Variants in LRBA observed in about 807,000 individuals in gnomAD.
The protein encoded by LRBA is LPS responsive beige-like anchor protein, also known as lipopolysaccharide-responsive and beige-like anchor protein.
Under a neutral mutation model 330.0 loss-of-function variants are expected in LRBA, and 176 were observed. That is an observed-to-expected ratio of 0.53 (90% CI 0.47 to 0.60). LRBA has a LOEUF of 0.60. Among genes scored for constraint, LRBA ranks in the 20% least tolerant of loss-of-function variants. The pLI, the probability that LRBA is intolerant of heterozygous loss-of-function variation, is 0.00. For missense variants in LRBA, 3,259 were observed against 3,444.8 expected, an observed-to-expected ratio of 0.95 and a Z score of 1.35; for synonymous variants, 1,230 against 1,193.0, an observed-to-expected ratio of 1.03 and a Z score of -0.64.
chr4:150,272,807 A>G (rs1171251574), intron 56 of LRBA, among the ~76,000 whole-genome samples: 1 of 152,162 alleles, frequency 6.6e-6, no homozygotes, highest in African/African-American at 2.4e-5. Context: ...ATATAGGACT[A>G]TGTGAAAAGA....
chr4:150,324,322 A>G (rs1732953603), intron 49 of LRBA, among the ~76,000 whole-genome samples: 1 of 151,650 alleles, frequency 6.6e-6, no homozygotes, highest in Admixed American at 6.6e-5. Context: ...AATCATTCTT[A>G]CTATTTTTAT....
At chr4:150,412,577 T>C (rs1747157115) in intron 47 of LRBA, among the ~76,000 whole-genome samples, 1 of 152,150 alleles carries the variant, frequency 6.6e-6, no homozygotes, top group Non-Finnish European at 1.5e-5. Context: ...TTTTTAATTG[T>C]CAAAATGTTG....
chr4:150,533,736 A>G (rs1371339984), intron 40 of LRBA, among the ~76,000 whole-genome samples: 1 of 152,140 alleles, frequency 6.6e-6, no homozygotes, highest in Non-Finnish European at 1.5e-5. Flanking sequence ...CTTTCCCCCC[A>G]TTCCAGTGTG....
intron 22 of LRBA, among the ~76,000 whole-genome samples, chr4:150,858,972 A>C (rs1751560982): frequency 6.6e-6 from 1 of 152,210 alleles, no homozygotes; most frequent in Admixed American, 6.5e-5. Context: ...TTCTTTAAAA[A>C]AAAATCTTAT....
intron 17 of LRBA, among the ~76,000 whole-genome samples, chr4:150,877,968 A>C (rs1372104646): frequency 6.6e-6 from 1 of 152,146 alleles, no homozygotes; most frequent in Admixed American, 6.5e-5. Flanking sequence ...AAATTTAAAA[A>C]TTTTTTGAAA....
rs1343129319 is a variant in LRBA at position 150,852,335 on chromosome 4, T to C, written c.3375A>G (p.Leu1125=). The change falls in exon 23 of 57, where the codon CTA becomes CTG. Residue 1125 remains leucine (L), a synonymous_variant. Transcript: ENST00000651943. ...AACTGTTATCTTGGAGCTCTGTGGG[T>C]AGATTAGCTTCCTCAGTAGGACTGC... ...VEGSPTEEAN[L]PTELQDNSLS... The C allele has an allele frequency of 6.2e-7, 1 of 1,613,874 alleles. No homozygotes were observed. Among genetic ancestry groups the C allele is most frequent in the Admixed American group, 1.7e-5 (1 of 59,998 alleles).
intron 36 of LRBA, among the ~76,000 whole-genome samples, chr4:150,698,998 G>C (rs1403839753): frequency 6.6e-6 from 1 of 152,180 alleles, no homozygotes; most frequent in African/African-American, 2.4e-5. Flanking sequence ...CAGGTCTATA[G>C]ACGCTACAAC....
At chr4:150,377,583 A>T (rs1273662835) in intron 47 of LRBA, among the ~76,000 whole-genome samples, 1 of 152,120 alleles carries the variant, frequency 6.6e-6, no homozygotes, top group Non-Finnish European at 1.5e-5. Flanking sequence ...ACTGACTACT[A>T]CAAGTCTTTC....
At chr4:150,604,396 A>G (rs1774422100) in intron 37 of LRBA, among the ~76,000 whole-genome samples, 1 of 87,686 alleles carries the variant, frequency 1.1e-5, no homozygotes, top group South Asian at 3.4e-4. Flanking sequence ...AGAGGGAGAG[A>G]CTATCTCCAA....
intron 2 of LRBA, among the ~76,000 whole-genome samples, chr4:150,936,393 G>T (rs919663130): frequency 2.0e-5 from 3 of 151,874 alleles, no homozygotes; most frequent in African/African-American, 7.2e-5. Flanking sequence ...CAGTAGAAAG[G>T]TCTGGTCCAG....
chr4:150,738,636 T>C (rs1731537716), intron 35 of LRBA, among the ~76,000 whole-genome samples: 1 of 152,200 alleles, frequency 6.6e-6, no homozygotes, highest in Non-Finnish European at 1.5e-5. Flanking sequence ...ATCTAAAATA[T>C]ATAACCACAG....
intron 46 of LRBA, among the ~76,000 whole-genome samples, chr4:150,424,612 TGCGC>T (rs1749296382): frequency 6.6e-6 from 1 of 151,198 alleles, no homozygotes; most frequent in East Asian, 1.9e-4. Flanking sequence ...AGGGAGCACG[TGCGC>T]GCGTGCACAC....
At chr4:150,590,883 T>A (rs765226950) in intron 38 of LRBA, 24 bp from the exon 39 acceptor site, 2 of 1,612,176 alleles carry the variant, frequency 1.2e-6, no homozygotes, top group Non-Finnish European at 1.7e-6. Flanking sequence ...GAAACAAAGC[T>A]GTCCATCAGT....
At chr4:150,525,724 G>T (rs1349093960) in intron 40 of LRBA, among the ~76,000 whole-genome samples, 1 of 152,018 alleles carries the variant, frequency 6.6e-6, no homozygotes, top group Non-Finnish European at 1.5e-5. Flanking sequence ...ACTTATATCT[G>T]ATTTCTCTTT....
intron 16 of LRBA, among the ~76,000 whole-genome samples, chr4:150,895,037 AAAG>A (rs1292625582): frequency 2.0e-5 from 3 of 151,916 alleles, no homozygotes; most frequent in Non-Finnish European, 4.4e-5. Flanking sequence ...TTTAAAAATT[AAAG>A]AAGGCACTAC....
intron 40 of LRBA, among the ~76,000 whole-genome samples, chr4:150,534,840 T>C (rs913446310): frequency 3.9e-5 from 6 of 152,196 alleles, no homozygotes; most frequent in Admixed American, 1.3e-4. Flanking sequence ...AATGAATTTA[T>C]CAATTTAATG....
intron 2 of LRBA, among the ~76,000 whole-genome samples, chr4:150,948,283 C>A (rs1736446392): frequency 6.6e-6 from 1 of 151,982 alleles, no homozygotes; most frequent in South Asian, 2.1e-4. Flanking sequence ...GGGGCAGACA[C>A]ATAAATCAAT....
chr4:150,744,062 G>T (rs1392813964), intron 35 of LRBA, among the ~76,000 whole-genome samples: 1 of 151,750 alleles, frequency 6.6e-6, no homozygotes, highest in Non-Finnish European at 1.5e-5. Context: ...CATCATCAGG[G>T]TATTTTTTTT....
At chr4:150,800,992 C>T (rs1036921573) in intron 33 of LRBA, among the ~76,000 whole-genome samples, 2 of 152,092 alleles carry the variant, frequency 1.3e-5, no homozygotes, top group African/African-American at 4.8e-5. Flanking sequence ...AGACAGTAAG[C>T]CAGTGCCACC....
Sources: allele counts gnomAD v4.1 joint callset (sites outside exome capture counted in the v4.1 genomes callset), GRCh38; gene constraint gnomAD v4.1.1; transcripts MANE v1.5; gene names NCBI Gene and HGNC (gene_info 2026-07-23, HGNC 2026-07-21).